Variants in CPED1 observed in about 807,000 individuals in gnomAD.
The protein encoded by CPED1 is cadherin-like and PC-esterase domain-containing protein 1.
In CPED1, 114 loss-of-function variants were observed where a neutral mutation model predicts 128.2. The observed-to-expected ratio is 0.89, with a 90% CI of 0.76 to 1.04. The LOEUF (loss-of-function observed/expected upper bound fraction) is 1.04, where lower values mean the gene tolerates loss of function less well. Ranked by LOEUF, CPED1 falls within the 50% of genes least tolerant of loss-of-function variation. The pLI is 0.00. For synonymous variants in CPED1, 462 were observed against 426.7 expected (o/e 1.08, Z -1.02); for missense variants, 1,211 against 1,207.1 (o/e 1.00, Z -0.05).
intron 18 of CPED1, among the ~76,000 whole-genome samples, chr7:121,256,004 T>C (rs1791852275): frequency 6.6e-6 from 1 of 151,138 alleles, no homozygotes; most frequent in African/African-American, 2.4e-5. Flanking sequence ...ACAGATTCAA[T>C]GCTCTTCCTA....
chr7:121,254,918 A>C (rs1798768346), intron 18 of CPED1, among the ~76,000 whole-genome samples: 1 of 151,420 alleles, frequency 6.6e-6, no homozygotes, highest in Admixed American at 6.6e-5. Context: ...TTAAAAAAAA[A>C]AACATACCAA....
intron 16 of CPED1, among the ~76,000 whole-genome samples, chr7:121,214,403 G>A (rs10277676): frequency 0.076 from 11,504 of 151,926 alleles, 555 homozygotes; most frequent in African/African-American, 0.13. Context: ...AGGGATTCTC[G>A]TGCCTTAGCC....
chr7:121,242,325 A>G (rs951233355), intron 17 of CPED1, among the ~76,000 whole-genome samples: 4 of 152,206 alleles, frequency 2.6e-5, no homozygotes, highest in Non-Finnish European at 4.4e-5. Context: ...AGGATCTCAG[A>G]CAAGTTCCTG....
At chr7:121,199,204 A>G (rs1032296684) in intron 16 of CPED1, among the ~76,000 whole-genome samples, 12 of 152,238 alleles carry the variant, frequency 7.9e-5, no homozygotes, top group African/African-American at 2.9e-4. Flanking sequence ...TCTATGATTT[A>G]TAGGCTGAAG....
intron 3 of CPED1, among the ~76,000 whole-genome samples, chr7:121,034,528 G>A (rs565872717): frequency 6.6e-6 from 1 of 152,214 alleles, no homozygotes; most frequent in African/African-American, 2.4e-5. Flanking sequence ...TTACAGGTGT[G>A]AGCCACTGCG....
chr7:121,035,880 G>A (rs542883085), intron 3 of CPED1, among the ~76,000 whole-genome samples: 10 of 151,826 alleles, frequency 6.6e-5, no homozygotes, highest in African/African-American at 7.2e-5. Flanking sequence ...GAGGAAGAGC[G>A]GGTCTTTTCG....
intron 5 of CPED1, among the ~76,000 whole-genome samples, chr7:121,081,728 A>C (rs1447054284): frequency 6.6e-6 from 1 of 152,232 alleles, no homozygotes; most frequent in Non-Finnish European, 1.5e-5. Flanking sequence ...GTCAACAAGC[A>C]TAATTAGTAC....
At chr7:121,119,311 G>C (rs1795328340) in intron 7 of CPED1, among the ~76,000 whole-genome samples, 2 of 149,654 alleles carry the variant, frequency 1.3e-5, no homozygotes, top group African/African-American at 2.5e-5. Context: ...CTCACTGCAA[G>C]CTCCGCCTCC....
intron 18 of CPED1, among the ~76,000 whole-genome samples, chr7:121,251,289 T>G (rs1209930545): frequency 2.0e-5 from 3 of 152,172 alleles, no homozygotes. Context: ...AAACTCTCAA[T>G]AAATTAGGTA....
chr7:121,064,300 TAGA>T lies in CPED1; in HGVS notation c.607_609del (p.Arg203del). ...GAAAGGAAGGATTATGTCAAATAGT[TAGA>T]AGATTCCCAGGTAATCTTTCGTTTG... On this transcript the variant is annotated inframe_deletion, in exon 5 of 23. Coordinates refer to ENST00000310396, the MANE Select transcript of CPED1 (RefSeq NM_024913.5). 1 of 1,611,144 alleles carries T rather than the reference TAGA, an allele frequency of 6.2e-7. No homozygotes were observed. The highest frequency in any genetic ancestry group is 1.3e-5 in the African/African-American group (1 of 74,868).
At chr7:121,178,715 G>A (rs1796837254) in intron 16 of CPED1, among the ~76,000 whole-genome samples, 1 of 152,062 alleles carries the variant, frequency 6.6e-6, no homozygotes, top group South Asian at 2.1e-4. Flanking sequence ...GGTGAATGGT[G>A]CCTCCAAAAA....
At chr7:121,116,178 T>G (rs1270119126) in intron 7 of CPED1, among the ~76,000 whole-genome samples, 1 of 152,226 alleles carries the variant, frequency 6.6e-6, no homozygotes, top group Non-Finnish European at 1.5e-5. Context: ...ATTCTGAATT[T>G]CCAAGTTTAA....
intron 7 of CPED1, among the ~76,000 whole-genome samples, chr7:121,117,098 TAA>T (rs1554437031): frequency 1.3e-4 from 17 of 134,648 alleles, no homozygotes; most frequent in Middle Eastern, 3.9e-3. Context: ...TATATATATA[TAA>T]ATATATATAT....
intron 21 of CPED1, among the ~76,000 whole-genome samples, chr7:121,267,990 T>A (rs1020505262): frequency 4.6e-5 from 7 of 151,926 alleles, no homozygotes; most frequent in Non-Finnish European, 7.4e-5. Context: ...TGTATCTGCC[T>A]GGACAGCAGA....
At chr7:121,060,964 C>T (rs980564285) in intron 4 of CPED1, among the ~76,000 whole-genome samples, 5 of 151,792 alleles carry the variant, frequency 3.3e-5, no homozygotes, top group African/African-American at 1.2e-4. Context: ...ACGAACAACT[C>T]CAGACGCGCC....
intron 16 of CPED1, among the ~76,000 whole-genome samples, chr7:121,216,468 T>C (rs549382222): frequency 6.6e-6 from 1 of 152,118 alleles, no homozygotes; most frequent in South Asian, 2.1e-4. Context: ...AGTTGCCATG[T>C]GTCCAGCTAA....
chr7:121,229,255 A>G (rs1203076476), intron 16 of CPED1, among the ~76,000 whole-genome samples: 1 of 152,068 alleles, frequency 6.6e-6, no homozygotes, highest in Admixed American at 6.6e-5. Flanking sequence ...TGAATATGAT[A>G]TTTTTAAAAG....
intron 2 of CPED1, among the ~76,000 whole-genome samples, chr7:120,998,931 T>A (rs1246614910): frequency 6.6e-6 from 1 of 151,994 alleles, no homozygotes; most frequent in African/African-American, 2.4e-5. Flanking sequence ...GGACCCTGAG[T>A]AACATATCTA....
intron 7 of CPED1, among the ~76,000 whole-genome samples, chr7:121,112,857 C>G (rs1213900256): frequency 6.6e-6 from 1 of 152,066 alleles, no homozygotes; most frequent in Non-Finnish European, 1.5e-5. Context: ...TAATGAAATA[C>G]TTTCATGTTA....
Sources: allele counts gnomAD v4.1 joint callset (sites outside exome capture counted in the v4.1 genomes callset), GRCh38; gene constraint gnomAD v4.1.1; transcripts MANE v1.5; gene names NCBI Gene and HGNC (gene_info 2026-07-23, HGNC 2026-07-21).